The following ANKRD17 variants were observed in gnomAD, a reference collection of about 807,000 sequenced individuals.
ANKRD17 encodes ankyrin repeat domain 17.
A neutral mutation model predicts 229.7 loss-of-function variants in ANKRD17; 19 were observed. The ratio of observed to expected loss-of-function variants is 0.08; its 90% CI spans 0.06 to 0.12. The LOEUF (loss-of-function observed/expected upper bound fraction) is 0.12. Among genes scored for constraint, ANKRD17 ranks in the 10% least tolerant of loss-of-function variants. ANKRD17 has a pLI of 1.00. For missense variants in ANKRD17, 2,176 were observed against 3,176.8 expected (o/e 0.68, Z 7.57); for synonymous variants, 1,112 against 1,146.1 (o/e 0.97, Z 0.60).
chr4:73,226,418 G>A (rs1219782348), intron 1 of ANKRD17, among the ~76,000 whole-genome samples: 14 of 104,826 alleles, frequency 1.3e-4, no homozygotes, highest in Non-Finnish European at 2.3e-4. Flanking sequence ...TTTTTGAGAC[G>A]GAGTCTCGCA....
intron 30 of ANKRD17, 74 bp downstream of exon 30, chr4:73,085,172 TATG>T: frequency 6.2e-6 from 9 of 1,444,938 alleles, no homozygotes; most frequent in Non-Finnish European, 7.6e-6. Flanking sequence ...GTATTAAAAT[TATG>T]ATGAGGTTTG....
chr4:73,081,418 T>G (rs569095692), intron 30 of ANKRD17, among the ~76,000 whole-genome samples: 78 of 152,328 alleles, frequency 5.1e-4, no homozygotes, highest in African/African-American at 1.7e-3. Context: ...AAAATGGTTC[T>G]GCATAGCCTT....
intron 1 of ANKRD17, among the ~76,000 whole-genome samples, chr4:73,218,260 G>C (rs574437883): frequency 1.3e-5 from 2 of 152,316 alleles, no homozygotes; most frequent in South Asian, 2.1e-4. Context: ...CTGAAAACAT[G>C]AGTTTCAAAC....
intron 1 of ANKRD17, among the ~76,000 whole-genome samples, chr4:73,242,726 T>C (rs988785167): frequency 6.8e-6 from 1 of 147,808 alleles, no homozygotes; most frequent in Non-Finnish European, 1.5e-5. Context: ...TGAAACCAGA[T>C]ATTCAATGAC....
intron 18 of ANKRD17, among the ~76,000 whole-genome samples, chr4:73,123,186 T>C (rs1726983616): frequency 6.6e-6 from 1 of 152,070 alleles, no homozygotes; most frequent in Non-Finnish European, 1.5e-5. Flanking sequence ...TAATATCTTC[T>C]TGACTCAATA....
intron 1 of ANKRD17, among the ~76,000 whole-genome samples, chr4:73,218,912 T>C (rs1283269022): frequency 1.3e-5 from 2 of 151,846 alleles, no homozygotes; most frequent in Non-Finnish European, 2.9e-5. Context: ...AATACAAAAA[T>C]TAGCTGGGTG....
chr4:73,191,230 G>A (rs1737024520), intron 1 of ANKRD17, among the ~76,000 whole-genome samples: 1 of 152,054 alleles, frequency 6.6e-6, no homozygotes, highest in Admixed American at 6.6e-5. Flanking sequence ...CTTATAAAGT[G>A]TGATAAAGGT....
intron 1 of ANKRD17, among the ~76,000 whole-genome samples, chr4:73,212,876 A>T (rs1004099105): frequency 6.6e-6 from 1 of 151,622 alleles, no homozygotes; most frequent in Non-Finnish European, 1.5e-5. Flanking sequence ...AAAAAAAAAA[A>T]ATTAGCGCAG....
At chr4:73,108,355 G>A (rs1393279555) in intron 24 of ANKRD17, among the ~76,000 whole-genome samples, 4 of 152,168 alleles carry the variant, frequency 2.6e-5, no homozygotes, top group Non-Finnish European at 2.9e-5. Context: ...TAGCAAAGAA[G>A]TCTGGGCTAG....
chr4:73,141,758 A>G lies in ANKRD17; in HGVS notation c.2315T>C (p.Leu772Pro). The G allele has an allele frequency of 6.2e-7, 1 of 1,613,768 alleles. No individual in the cohort carries two copies. Among genetic ancestry groups the G allele is most frequent in the East Asian group, 2.2e-5 (1 of 44,856 alleles). ...TAACTGACCTTTATTCCTGATGGGA[A>G]GAGTGGTGGCAACATTGGCAGGTGG... ...DKPPANVATT[L>P]PIRNKAASKQ... Residue 772 changes from leucine to proline, a missense_variant, in exon 14 of 34, where the codon CTT (leucine) becomes CCT (proline). Leu to Pro is a moderately conservative substitution (Grantham distance 98). Around this residue, in one of 18 missense-constraint regions of ANKRD17, gnomAD observed 275 missense variants for 386.9 expected, o/e 0.71. Coordinates refer to ENST00000358602, the MANE Select transcript of ANKRD17 (RefSeq NM_032217.5).
chr4:73,084,207 G>A (rs1721869023), intron 30 of ANKRD17, among the ~76,000 whole-genome samples: 1 of 152,086 alleles, frequency 6.6e-6, no homozygotes, highest in African/African-American at 2.4e-5. Flanking sequence ...TAGTGAAACT[G>A]TCTCTACTAA....
At chr4:73,225,861 C>CAAAAAAAAAAAAA (rs375866026) in intron 1 of ANKRD17, among the ~76,000 whole-genome samples, 3 of 66,696 alleles carry the variant, frequency 4.5e-5, no homozygotes, top group African/African-American at 5.6e-5. Flanking sequence ...GACTCTGTCT[C>CAAAAAAAAAAAAA]AAAAAAAAAA....
At chr4:73,179,518 A>ATATATATATATATATT (rs1192164276) in intron 1 of ANKRD17, among the ~76,000 whole-genome samples, 4 of 40,786 alleles carry the variant, frequency 9.8e-5, no homozygotes, top group African/African-American at 3.7e-4. Flanking sequence ...ATATATATAT[A>ATATATATATATATATT]TTTTTTTTTT....
intron 2 of ANKRD17, among the ~76,000 whole-genome samples, chr4:73,169,911 C>T (rs948453712): frequency 3.3e-5 from 5 of 152,122 alleles, no homozygotes; most frequent in African/African-American, 1.2e-4. Context: ...TTGTCCATCC[C>T]AGCAGTCCAA....
In ANKRD17 at chr4:73,186,159, T is replaced by G. The variant is rs1384484294; in HGVS notation, c.394-8626A>C. 3.9e-5 allele frequency among the ~76,000 whole-genome samples: 6 copies of G among 152,068 alleles called. No homozygotes were observed. The East Asian group carries it at 1.2e-3, about 29-fold the overall frequency. On this transcript the variant is annotated intron_variant, in intron 1 of 33. Transcript: ENST00000358602. ...GAAATAATTCCTTTTGTCTGTATTT[T>G]TTATAGTCTTAAATAAGGGTAAACT...
At chr4:73,080,529 T>G (rs1721455793) in intron 30 of ANKRD17, among the ~76,000 whole-genome samples, 1 of 152,154 alleles carries the variant, frequency 6.6e-6, no homozygotes, top group African/African-American at 2.4e-5. Flanking sequence ...GACATGTAAA[T>G]GTAAACACAA....
At chr4:73,168,995 T>C (rs1401080847) in intron 2 of ANKRD17, 2 of 152,212 alleles carry the variant, frequency 1.3e-5, no homozygotes, top group Non-Finnish European at 2.9e-5. Context: ...GTGTACTCAA[T>C]GTTCAGCTCC....
intron 3 of ANKRD17, among the ~76,000 whole-genome samples, chr4:73,156,959 A>T (rs1731744672): frequency 6.6e-6 from 1 of 152,212 alleles, no homozygotes; most frequent in African/African-American, 2.4e-5. Context: ...GTTTTTTACA[A>T]TCTACATATT....
At chr4:73,100,904 CCCA>C in intron 25 of ANKRD17, 2 of 985,346 alleles carry the variant, frequency 2.0e-6, no homozygotes, top group Non-Finnish European at 2.4e-6. Flanking sequence ...ATGGTTCCTT[CCCA>C]CAATACAGTC....
Sources: allele counts gnomAD v4.1 joint callset (sites outside exome capture counted in the v4.1 genomes callset), GRCh38; gene constraint gnomAD v4.1.1; regional missense constraint gnomAD v4.1.1; transcripts MANE v1.5; gene names NCBI Gene and HGNC (gene_info 2026-07-23, HGNC 2026-07-21).